STXBP6: variants seen among roughly 807,000 people sequenced by gnomAD.
STXBP6 encodes the protein syntaxin binding protein 6.
A neutral mutation model predicts 26.9 loss-of-function variants in STXBP6; 21 were observed. The ratio of observed to expected loss-of-function variants is 0.78; its 90% CI spans 0.55 to 1.12. The LOEUF is 1.12. STXBP6 is among the 50% of genes most tolerant of loss of function. The probability of loss-of-function intolerance (pLI) is 0.00; values close to 1 mark genes in which losing one functional copy is unlikely to be tolerated. For missense variants in STXBP6, 232 were observed against 257.9 expected (o/e 0.90, Z 0.69); for synonymous variants, 97 against 92.6 (o/e 1.05, Z -0.27).
chr14:24,935,558 G>A (rs1004855470), intron 2 of STXBP6, among the ~76,000 whole-genome samples: 2 of 152,084 alleles, frequency 1.3e-5, no homozygotes, highest in African/African-American at 2.4e-5. Flanking sequence ...AGATATGTGT[G>A]GTGAAGTTTC....
intron 2 of STXBP6, among the ~76,000 whole-genome samples, chr14:24,945,376 G>C (rs1275949588): frequency 2.6e-5 from 4 of 151,288 alleles, no homozygotes; most frequent in Non-Finnish European, 5.9e-5. Context: ...GACTAGCCTG[G>C]GCAACATAGC....
intron 2 of STXBP6, among the ~76,000 whole-genome samples, chr14:24,914,573 TA>T (rs2071689801): frequency 6.6e-6 from 1 of 152,188 alleles, no homozygotes; most frequent in Non-Finnish European, 1.5e-5. Context: ...TTTCCTCATT[TA>T]AAAGAACATA....
At chr14:24,872,689 T>A (rs185779785) in intron 2 of STXBP6, among the ~76,000 whole-genome samples, 1 of 152,258 alleles carries the variant, frequency 6.6e-6, no homozygotes, top group East Asian at 1.9e-4. Flanking sequence ...CACCCAGTGG[T>A]AGTGCAATGG....
At chr14:24,983,541 C>T (rs1030258129) in intron 1 of STXBP6, among the ~76,000 whole-genome samples, 53 of 152,080 alleles carry the variant, frequency 3.5e-4, no homozygotes, top group Admixed American at 2.6e-4. Context: ...AGCACTAAAC[C>T]CATATATGAA....
intron 1 of STXBP6, among the ~76,000 whole-genome samples, chr14:25,008,982 C>G (rs1488673342): frequency 6.6e-6 from 1 of 152,034 alleles, no homozygotes; most frequent in African/African-American, 2.4e-5. Context: ...CACCAGCCAG[C>G]CAGTATATAT....
intron 1 of STXBP6, among the ~76,000 whole-genome samples, chr14:24,985,105 C>T (rs1175036028): frequency 1.3e-5 from 2 of 152,208 alleles, no homozygotes; most frequent in Non-Finnish European, 2.9e-5. Flanking sequence ...TGAAGTCATT[C>T]TTTCTGGATA....
intron 2 of STXBP6, among the ~76,000 whole-genome samples, chr14:24,920,759 T>C (rs1220422234): frequency 6.6e-6 from 1 of 151,994 alleles, no homozygotes; most frequent in African/African-American, 2.4e-5. Context: ...CACAGTCTCT[T>C]ATCTTCCATG....
At chr14:25,036,214 CAAAAA>C (rs559433301) in intron 1 of STXBP6, among the ~76,000 whole-genome samples, 1,654 of 80,676 alleles carry the variant, frequency 0.021, 33 homozygotes, top group African/African-American at 0.054. Context: ...AAGACTCCAT[CAAAAA>C]AAAAAAAAAA....
chr14:24,991,539 T>C (rs540323393), intron 1 of STXBP6, among the ~76,000 whole-genome samples: 2 of 152,296 alleles, frequency 1.3e-5, no homozygotes, highest in South Asian at 4.1e-4. Flanking sequence ...CAGAGAACTT[T>C]CATTGCCTGT....
rs770196904 is a variant in STXBP6 at position 24,974,708 on chromosome 14, T to A, written c.111A>T (p.Ala37=). 8.9e-6 allele frequency: 14 copies of A among 1,568,474 alleles called. No homozygotes were observed. The highest frequency in any genetic ancestry group is 7.8e-6 in the Non-Finnish European group (9 of 1,153,884). ...TTAAATATTCGCCTTGACCTCCAGT[T>A]GCCAAGAAAGGAATCTTTTTCTTTG... ...RRTKKKIPFL[A]TGGQGEYLTY... Residue 37 remains alanine, a synonymous_variant, in exon 2 of 6, where the codon GCA becomes GCT. Coordinates refer to ENST00000323944, the MANE Select transcript of STXBP6 (RefSeq NM_001394410.1).
chr14:25,006,921 T>G (rs1387718462), intron 1 of STXBP6, among the ~76,000 whole-genome samples: 2 of 151,932 alleles, frequency 1.3e-5, no homozygotes. Context: ...AAACAATTCC[T>G]CACTGAAATG....
intron 2 of STXBP6, among the ~76,000 whole-genome samples, chr14:24,938,668 A>G (rs994221857): frequency 2.0e-5 from 3 of 151,826 alleles, no homozygotes; most frequent in African/African-American, 7.3e-5. Flanking sequence ...AAAGAATGAC[A>G]TTTACATTTT....
chr14:24,901,941 G>T (rs2071228573), intron 2 of STXBP6, among the ~76,000 whole-genome samples: 1 of 152,104 alleles, frequency 6.6e-6, no homozygotes, highest in Non-Finnish European at 1.5e-5. Context: ...GTTCAAATAG[G>T]TGTTCGCATA....
intron 1 of STXBP6, among the ~76,000 whole-genome samples, chr14:25,012,885 C>T (rs1252895499): frequency 6.6e-6 from 1 of 152,092 alleles, no homozygotes; most frequent in African/African-American, 2.4e-5. Flanking sequence ...GGAGACCACA[C>T]AAAGGGATTC....
intron 2 of STXBP6, among the ~76,000 whole-genome samples, chr14:24,903,335 T>C (rs756355605): frequency 1.4e-4 from 21 of 152,214 alleles, no homozygotes; most frequent in Non-Finnish European, 2.9e-4. Flanking sequence ...GTGTTTGAGC[T>C]CCTGTCTAAA....
At chr14:24,910,466 T>C (rs1309549311) in intron 2 of STXBP6, among the ~76,000 whole-genome samples, 1 of 152,160 alleles carries the variant, frequency 6.6e-6, no homozygotes, top group Non-Finnish European at 1.5e-5. Context: ...AATAAATGGA[T>C]GAAAAATGGA....
In STXBP6 at chr14:24,819,632, T is replaced by C. The variant is rs568870059; in HGVS notation, c.452-438A>G. 2.8e-4 allele frequency among the ~76,000 whole-genome samples: 43 copies of C among 152,324 alleles called. No individual in the cohort carries two copies. The South Asian group carries it at 4.4e-3, about 15-fold the overall frequency. ...GACCTGTGGTTTCGGTGAATAACCA[T>C]AGGAAAACTGGGACCACAGAACTTT... On this transcript the variant is annotated intron_variant, in intron 4 of 5. Coordinates refer to ENST00000323944, the MANE Select transcript of STXBP6 (RefSeq NM_001394410.1).
At chr14:25,006,300 A>T (rs556626818) in intron 1 of STXBP6, among the ~76,000 whole-genome samples, 2 of 152,312 alleles carry the variant, frequency 1.3e-5, no homozygotes, top group South Asian at 4.1e-4. Flanking sequence ...GCTCAGGAAG[A>T]GGAAAACATG....
chr14:24,914,700 C>T (rs1270342545), intron 2 of STXBP6, among the ~76,000 whole-genome samples: 1 of 152,116 alleles, frequency 6.6e-6, no homozygotes, highest in Non-Finnish European at 1.5e-5. Context: ...TGAAGACTTC[C>T]TTTTTTTAAC....
Sources: allele counts gnomAD v4.1 joint callset (sites outside exome capture counted in the v4.1 genomes callset), GRCh38; gene constraint gnomAD v4.1.1; transcripts MANE v1.5; gene names NCBI Gene and HGNC (gene_info 2026-07-23, HGNC 2026-07-21).